TRAPPC9: variants seen among roughly 807,000 people sequenced by gnomAD.
The protein encoded by TRAPPC9 is IKK2 binding protein.
TRAPPC9 carries 83 observed loss-of-function variants against 124.0 expected under a neutral mutation model. The ratio of observed to expected loss-of-function variants is 0.67; its 90% confidence interval spans 0.56 to 0.80. TRAPPC9 has a LOEUF of 0.80. Ranked by LOEUF, TRAPPC9 falls within the 30% of genes least tolerant of loss-of-function variation. The pLI is 0.00. For synonymous variants in TRAPPC9, 638 were observed against 617.5 expected (o/e 1.03, Z -0.49); for missense variants, 1,302 against 1,508.3 (o/e 0.86, Z 2.27).
intron 21 of TRAPPC9, among the ~76,000 whole-genome samples, chr8:139,760,243 A>G (rs1820129580): frequency 6.6e-6 from 1 of 152,104 alleles, no homozygotes; most frequent in Non-Finnish European, 1.5e-5. Context: ...TTGGAATACC[A>G]GATTCAGACA....
At chr8:140,245,502 A>C (rs2063963274) in intron 16 of TRAPPC9, among the ~76,000 whole-genome samples, 1 of 151,848 alleles carries the variant, frequency 6.6e-6, no homozygotes. Flanking sequence ...TCTGTAAAAT[A>C]CACATAATTT....
chr8:140,302,833 G>C (rs2066019937), intron 10 of TRAPPC9: 1 of 152,260 alleles, frequency 6.6e-6, no homozygotes, highest in African/African-American at 2.4e-5. Context: ...AACTGAGAGA[G>C]CTGGAGAGGG....
At chr8:140,113,916 C>T (rs753648887) in intron 17 of TRAPPC9, among the ~76,000 whole-genome samples, 17 of 152,180 alleles carry the variant, frequency 1.1e-4, no homozygotes, top group African/African-American at 2.4e-4. Context: ...GCTGCACCCA[C>T]GCTTCCCACT....
intron 17 of TRAPPC9, among the ~76,000 whole-genome samples, chr8:140,199,350 C>T (rs2062736944): frequency 6.6e-6 from 1 of 152,112 alleles, no homozygotes; most frequent in South Asian, 2.1e-4. Flanking sequence ...TGTAAAGACA[C>T]AAATCCAGGT....
chr8:139,913,505 G>A (rs1242625597), intron 19 of TRAPPC9, among the ~76,000 whole-genome samples: 2 of 152,192 alleles, frequency 1.3e-5, no homozygotes, highest in Non-Finnish European at 2.9e-5. Context: ...GCTTAGGCAG[G>A]ACACCTAAAG....
At chr8:140,193,896 G>A (rs1040482463) in intron 17 of TRAPPC9, among the ~76,000 whole-genome samples, 1 of 152,210 alleles carries the variant, frequency 6.6e-6, no homozygotes, top group African/African-American at 2.4e-5. Context: ...ACGCAAAGAA[G>A]GCTCCCAGTA....
chr8:140,418,763 TAGATAGATAGAC>T (rs1367603961), intron 5 of TRAPPC9, among the ~76,000 whole-genome samples: 107 of 149,024 alleles, frequency 7.2e-4, no homozygotes, highest in Middle Eastern at 3.4e-3. Context: ...GATAGATAGA[TAGATAGATAGAC>T]AGACAGACAG....
At chr8:140,245,124 T>C (rs2063949969) in intron 16 of TRAPPC9, among the ~76,000 whole-genome samples, 1 of 152,164 alleles carries the variant, frequency 6.6e-6, no homozygotes, top group Non-Finnish European at 1.5e-5. Flanking sequence ...AAAAACACTT[T>C]ATTGTGAAAT....
intron 16 of TRAPPC9, among the ~76,000 whole-genome samples, chr8:140,236,510 G>A (rs1443468661): frequency 6.6e-6 from 1 of 152,218 alleles, no homozygotes; most frequent in Non-Finnish European, 1.5e-5. Flanking sequence ...GGAGGGTGCT[G>A]AAAATTATTT....
chr8:139,847,622 G>A (rs372480328), intron 21 of TRAPPC9, among the ~76,000 whole-genome samples: 3 of 150,448 alleles, frequency 2.0e-5, no homozygotes, highest in African/African-American at 2.5e-5. Context: ...CCCAGCCTGC[G>A]GATGGGCACG....
intron 21 of TRAPPC9, among the ~76,000 whole-genome samples, chr8:139,773,299 G>C (rs554017887): frequency 6.6e-6 from 1 of 152,352 alleles, no homozygotes; most frequent in South Asian, 2.1e-4. Context: ...AGAGTATTTA[G>C]CACCAGTGGG....
At chr8:140,310,677 C>T (rs2066272750) in intron 10 of TRAPPC9, among the ~76,000 whole-genome samples, 2 of 152,090 alleles carry the variant, frequency 1.3e-5, no homozygotes, top group South Asian at 4.1e-4. Context: ...CAATGGGTGC[C>T]ATGGAAACTC....
chr8:140,374,362 G>C (rs1456487725), intron 7 of TRAPPC9, among the ~76,000 whole-genome samples: 1 of 152,212 alleles, frequency 6.6e-6, no homozygotes, highest in Non-Finnish European at 1.5e-5. Context: ...CTGAGGTTGG[G>C]AGTTCGAGAC....
At chr8:140,408,016 C>T (rs1004614029) in intron 5 of TRAPPC9, among the ~76,000 whole-genome samples, 6 of 152,188 alleles carry the variant, frequency 3.9e-5, no homozygotes, top group African/African-American at 1.4e-4. Context: ...AAGAGCATCG[C>T]TCCCAAGAGA....
intron 19 of TRAPPC9, among the ~76,000 whole-genome samples, chr8:139,957,103 A>G (rs2131540359): frequency 6.6e-6 from 1 of 152,376 alleles, no homozygotes; most frequent in South Asian, 2.1e-4. Flanking sequence ...ATAAGCCACA[A>G]GATTTTCCTC....
intron 17 of TRAPPC9, among the ~76,000 whole-genome samples, chr8:140,124,551 G>A (rs1324823678): frequency 1.6e-5 from 2 of 125,126 alleles, no homozygotes; most frequent in South Asian, 2.4e-4. Context: ...GCATCGGGAC[G>A]TGGACATCTT....
intron 8 of TRAPPC9, 40 bp from the exon 9 acceptor site, chr8:140,360,233 G>A (rs2132175035): frequency 6.2e-7 from 1 of 1,613,316 alleles, no homozygotes; most frequent in African/African-American, 1.3e-5. Flanking sequence ...AGTGCTTGGA[G>A]AGGGTACAGG....
rs191236460 is a variant in TRAPPC9 at position 140,136,422 on chromosome 8, G to T, written c.2556+85037C>A. ...GTTGTCTGAGTGCCATCTTCATGGG[G>T]CCTTACTGAGCACATACATGCATTT... On this transcript the variant is annotated intron_variant, in intron 17 of 22. Coordinates refer to ENST00000438773, the MANE Select transcript of TRAPPC9 (RefSeq NM_001160372.4). Among the ~76,000 whole-genome samples the T allele has an allele frequency of 1.4e-3, 209 of 152,288 alleles. 3 individuals are homozygous for T. The highest frequency in any genetic ancestry group is 2.8e-4 in the Non-Finnish European group (19 of 68,022).
At chr8:140,128,626 A>G (rs2130684848) in intron 17 of TRAPPC9, among the ~76,000 whole-genome samples, 1 of 152,368 alleles carries the variant, frequency 6.6e-6, no homozygotes, top group South Asian at 2.1e-4. Context: ...GATCCTCAAA[A>G]TGATCCCGTG....
Sources: gnomAD v4.1 joint callset for allele counts (sites outside exome capture counted in the v4.1 genomes callset) on GRCh38, gnomAD v4.1.1 for gene constraint, MANE v1.5 for transcripts, NCBI Gene and HGNC (gene_info 2026-07-23, HGNC 2026-07-21) for gene names.